The following ENTREP2 variants were observed in gnomAD, a reference collection of about 807,000 sequenced individuals.
The protein encoded by ENTREP2 is endosomal transmembrane epsin interactor 2, also known as protein ENTREP2.
the ENTREP2 span, among the ~76,000 whole-genome samples, chr15:29,222,174 G>C: frequency 6.6e-6 from 1 of 152,170 alleles, no homozygotes; most frequent in Non-Finnish European, 1.5e-5. Flanking sequence ...CAGTAAAGAA[G>C]CTGGCCAAAT....
chr15:29,274,472 T>G, the ENTREP2 span, among the ~76,000 whole-genome samples: 1 of 152,120 alleles, frequency 6.6e-6, no homozygotes, highest in Non-Finnish European at 1.5e-5. Flanking sequence ...TGGGATCAGA[T>G]GAACTAACAT....
chr15:29,417,928 C>T, the ENTREP2 span, among the ~76,000 whole-genome samples: 1 of 152,216 alleles, frequency 6.6e-6, no homozygotes, highest in East Asian at 1.9e-4. Context: ...AGCTACATTC[C>T]ACAAAGCAAT....
the ENTREP2 span, among the ~76,000 whole-genome samples, chr15:29,147,354 CA>C: frequency 1.6e-4 from 24 of 152,340 alleles, no homozygotes; most frequent in African/African-American, 5.5e-4. Context: ...ACCACTTCAC[CA>C]CCACTACGAT....
At chr15:29,158,757 G>A in the ENTREP2 span, among the ~76,000 whole-genome samples, 1 of 152,010 alleles carries the variant, frequency 6.6e-6, no homozygotes, top group African/African-American at 2.4e-5. Context: ...CTGATACTGA[G>A]TTTTGCTACT....
At chr15:29,371,360 A>ACG in the ENTREP2 span, among the ~76,000 whole-genome samples, 28 of 150,106 alleles carry the variant, frequency 1.9e-4, no homozygotes, top group Non-Finnish European at 4.2e-4. Context: ...ACACACACAC[A>ACG]CACACACACA....
chr15:29,294,591 C>T, the ENTREP2 span, among the ~76,000 whole-genome samples: 3 of 152,188 alleles, frequency 2.0e-5, no homozygotes, highest in Non-Finnish European at 4.4e-5. Flanking sequence ...AGCAGACCCA[C>T]TCACTGTTAT....
the ENTREP2 span, among the ~76,000 whole-genome samples, chr15:29,189,198 G>C: frequency 6.6e-6 from 1 of 152,212 alleles, no homozygotes; most frequent in African/African-American, 2.4e-5. Context: ...CTTGTGACTG[G>C]CATGAGAAGT....
chr15:29,657,240 T>C, the ENTREP2 span, among the ~76,000 whole-genome samples: 1 of 151,758 alleles, frequency 6.6e-6, no homozygotes, highest in Admixed American at 6.6e-5. Flanking sequence ...TTTGCATTTT[T>C]AGTGGCTACA....
the ENTREP2 span, among the ~76,000 whole-genome samples, chr15:29,454,983 C>T: frequency 6.6e-6 from 1 of 152,220 alleles, no homozygotes; most frequent in African/African-American, 2.4e-5. Context: ...CGTTGACAGT[C>T]CTCCCATGGA....
chr15:29,178,856 G>C, the ENTREP2 span, among the ~76,000 whole-genome samples: 1 of 152,116 alleles, frequency 6.6e-6, no homozygotes, highest in Non-Finnish European at 1.5e-5. Flanking sequence ...TTTTAAAAGG[G>C]AAAGGTCTTG....
At chr15:29,296,624 T>G in the ENTREP2 span, among the ~76,000 whole-genome samples, 3 of 152,170 alleles carry the variant, frequency 2.0e-5, no homozygotes, top group East Asian at 5.8e-4. Flanking sequence ...TATTGAATAC[T>G]ATAAAGATGT....
chr15:29,430,403 C>G, the ENTREP2 span, among the ~76,000 whole-genome samples: 1 of 152,212 alleles, frequency 6.6e-6, no homozygotes, highest in Non-Finnish European at 1.5e-5. Context: ...ACTCGCCAGG[C>G]AGAGGCCTGG....
the ENTREP2 span, among the ~76,000 whole-genome samples, chr15:29,134,110 G>C: frequency 3.9e-5 from 6 of 152,140 alleles, no homozygotes; most frequent in African/African-American, 1.4e-4. Context: ...TCCCCTTGCA[G>C]TGCTGATGAC....
the ENTREP2 span, among the ~76,000 whole-genome samples, chr15:29,198,600 A>G: frequency 2.2e-4 from 34 of 152,340 alleles, no homozygotes; most frequent in African/African-American, 7.5e-4. Flanking sequence ...GTGAAACCTA[A>G]CACACATACA....
the ENTREP2 span, among the ~76,000 whole-genome samples, chr15:29,161,453 TGAA>T: frequency 1.3e-5 from 2 of 152,338 alleles, no homozygotes; most frequent in African/African-American, 2.4e-5. Context: ...CCCTTGTCTC[TGAA>T]CCAGGAATCT....
At chr15:29,330,962 T>C in the ENTREP2 span, among the ~76,000 whole-genome samples, 1 of 152,252 alleles carries the variant, frequency 6.6e-6, no homozygotes, top group Admixed American at 6.5e-5. Context: ...CCACAGTAAG[T>C]TGCTTTTATA....
the ENTREP2 span, among the ~76,000 whole-genome samples, chr15:29,626,447 T>C: frequency 6.6e-6 from 1 of 152,168 alleles, no homozygotes; most frequent in Non-Finnish European, 1.5e-5. Context: ...GGATGTGACT[T>C]TGCTCATTTG....
chr15:29,366,551 T>C, the ENTREP2 span, among the ~76,000 whole-genome samples: 1 of 152,106 alleles, frequency 6.6e-6, no homozygotes, highest in Non-Finnish European at 1.5e-5. Context: ...ACATTCCATG[T>C]CCCCAGAGTT....
chr15:29,342,776 C>T, the ENTREP2 span, among the ~76,000 whole-genome samples: 1 of 152,126 alleles, frequency 6.6e-6, no homozygotes, highest in African/African-American at 2.4e-5. Context: ...TTTCTGTGAG[C>T]TCTCTGACCC....
Sources: allele counts gnomAD v4.1 joint callset (sites outside exome capture counted in the v4.1 genomes callset), GRCh38; gene constraint gnomAD v4.1.1; transcripts MANE v1.5; gene names NCBI Gene and HGNC (gene_info 2026-07-23, HGNC 2026-07-21).